The following ANKRD30BL variants were observed in gnomAD, a reference collection of about 807,000 sequenced individuals.
ANKRD30BL encodes putative ankyrin repeat domain-containing protein 30B-like.
A neutral mutation model predicts 18.4 loss-of-function variants in ANKRD30BL; 20 were observed. The observed-to-expected ratio is 1.09, with a 90% CI of 0.77 to 1.58. The LOEUF (loss-of-function observed/expected upper bound fraction) is 1.58, where lower values mean the gene tolerates loss of function less well. Ranked by LOEUF, ANKRD30BL falls within the 40% of genes most tolerant of loss-of-function variation. ANKRD30BL has a pLI of 0.00. For synonymous variants in ANKRD30BL, 72 were observed against 100.9 expected (o/e 0.71, Z 1.72); for missense variants, 224 against 268.6 (o/e 0.83, Z 1.16).
chr2:132,166,439 G>A (rs1421555233), upstream of ANKRD30BL, among the ~76,000 whole-genome samples: 1 of 151,522 alleles, frequency 6.6e-6, no homozygotes, highest in East Asian at 1.9e-4. Context: ...TTGGGGGGGT[G>A]AGGGGGGGTT....
At chr2:132,193,017 A>T (rs1018248477) in intron 1 of ANKRD30BL, among the ~76,000 whole-genome samples, 2 of 152,216 alleles carry the variant, frequency 1.3e-5, no homozygotes, top group Non-Finnish European at 2.9e-5. Flanking sequence ...GAAGCATATG[A>T]GTGGACATGC....
chr2:132,205,148 T>G (rs1393747019), intron 1 of ANKRD30BL, among the ~76,000 whole-genome samples: 1 of 152,070 alleles, frequency 6.6e-6, no homozygotes, highest in Non-Finnish European at 1.5e-5. Flanking sequence ...AAGTATAAGG[T>G]ATGCAGAATT....
intron 1 of ANKRD30BL, among the ~76,000 whole-genome samples, chr2:132,230,296 G>T (rs1413925884): frequency 6.6e-6 from 1 of 151,736 alleles, no homozygotes; most frequent in African/African-American, 2.4e-5. Flanking sequence ...ATTGGAAACG[G>T]GAATATCTTC....
At chr2:132,253,205 C>G (rs998950176) in intron 1 of ANKRD30BL, 7 of 203,386 alleles carry the variant, frequency 3.4e-5, no homozygotes, top group Non-Finnish European at 5.3e-5. Flanking sequence ...CAAGTGCATT[C>G]GAAGAGTCGA....
chr2:132,229,797 A>AT (rs757179059), intron 1 of ANKRD30BL, among the ~76,000 whole-genome samples: 27 of 152,288 alleles, frequency 1.8e-4, no homozygotes, highest in Middle Eastern at 3.4e-3. Context: ...ATATCTTCAC[A>AT]TAAAAACTAG....
chr2:132,211,114 C>T (rs1012140658), intron 1 of ANKRD30BL, among the ~76,000 whole-genome samples: 1 of 152,018 alleles, frequency 6.6e-6, no homozygotes, highest in Admixed American at 6.6e-5. Flanking sequence ...GCATTCATCT[C>T]ACAGTGCTTA....
At chr2:132,236,344 C>G (rs1470460712) in intron 1 of ANKRD30BL, among the ~76,000 whole-genome samples, 1 of 151,506 alleles carries the variant, frequency 6.6e-6, no homozygotes, top group Admixed American at 6.6e-5. Flanking sequence ...CAAATGGGAT[C>G]TAATGGGAGA....
chr2:132,163,767 T>A (rs1386150654), upstream of ANKRD30BL, among the ~76,000 whole-genome samples: 7 of 152,296 alleles, frequency 4.6e-5, no homozygotes, highest in Middle Eastern at 3.4e-3. Flanking sequence ...CCCCGGAGGC[T>A]ACACAATGCC....
At chr2:132,217,514 T>C (rs1175309261) in intron 1 of ANKRD30BL, among the ~76,000 whole-genome samples, 2 of 152,244 alleles carry the variant, frequency 1.3e-5, no homozygotes, top group African/African-American at 2.4e-5. Context: ...GAAGATACTT[T>C]ATCATAGAGC....
rs577809902 is a variant in ANKRD30BL, at chr2:132,225,927, A to G, written n.441+31602T>C. On this transcript the variant is annotated intron_variant and non_coding_transcript_variant, in intron 1 of 4. Coordinates refer to the ANKRD30BL transcript ENST00000470729. Reference sequence around the variant, plus strand: ...CAGAGTTGAACCTTTCTTTTGATAGAGAAGGTTTGAAACACTCTTTTTGCA... The same window carrying G: ...CAGAGTTGAACCTTTCTTTTGATAGGGAAGGTTTGAAACACTCTTTTTGCA... 1.6e-3 allele frequency among the ~76,000 whole-genome samples: 244 copies of G among 152,218 alleles called. 1 individual carries two copies. The highest frequency in any genetic ancestry group is 5.5e-3 in the African/African-American group (229 of 41,550).
chr2:132,179,205 A>G (rs1368184951), intron 1 of ANKRD30BL, among the ~76,000 whole-genome samples: 1 of 152,206 alleles, frequency 6.6e-6, no homozygotes, highest in African/African-American at 2.4e-5. Flanking sequence ...TCTAGCACAT[A>G]TAATTACTTA....
intron 1 of ANKRD30BL, among the ~76,000 whole-genome samples, chr2:132,180,507 G>A (rs1044766010): frequency 6.6e-6 from 1 of 152,090 alleles, no homozygotes; most frequent in African/African-American, 2.4e-5. Context: ...ACATATGCAG[G>A]GGCATGCAGA....
chr2:132,230,423 GC>G (rs1679978192), intron 1 of ANKRD30BL, among the ~76,000 whole-genome samples: 1 of 151,910 alleles, frequency 6.6e-6, no homozygotes, highest in African/African-American at 2.4e-5. Flanking sequence ...TGTATTATAT[GC>G]AAGTGGACAA....
chr2:132,202,097 A>T (rs535930857), intron 1 of ANKRD30BL, among the ~76,000 whole-genome samples: 13 of 152,218 alleles, frequency 8.5e-5, no homozygotes, highest in Admixed American at 5.9e-4. Flanking sequence ...AACAATGAGA[A>T]CACATGGACA....
At chr2:132,198,307 TC>T (rs1558928514) in intron 1 of ANKRD30BL, among the ~76,000 whole-genome samples, 237 of 15,112 alleles carry the variant, frequency 0.016, 8 homozygotes, top group African/African-American at 0.035. Flanking sequence ...TTTCTTTCTT[TC>T]TTTCTTTCTT....
chr2:132,211,260 T>G (rs796706738), intron 1 of ANKRD30BL, among the ~76,000 whole-genome samples: 1 of 152,080 alleles, frequency 6.6e-6, no homozygotes, highest in Non-Finnish European at 1.5e-5. Flanking sequence ...TCTGAGAAAC[T>G]TCTTTGGGGT....
At chr2:132,202,469 G>A (rs1257630381) in intron 1 of ANKRD30BL, among the ~76,000 whole-genome samples, 1 of 149,084 alleles carries the variant, frequency 6.7e-6, no homozygotes, top group Non-Finnish European at 1.5e-5. Flanking sequence ...AATATTTTAA[G>A]ATAAAATTTA....
chr2:132,253,041 C>G (rs550219211), intron 1 of ANKRD30BL: 1 of 152,330 alleles, frequency 6.6e-6, no homozygotes, highest in African/African-American at 2.4e-5. Context: ...GATAGGAGGG[C>G]GAATGTCACC....
chr2:132,230,854 C>A (rs199515979), intron 1 of ANKRD30BL, among the ~76,000 whole-genome samples: 1 of 151,742 alleles, frequency 6.6e-6, no homozygotes, highest in East Asian at 1.9e-4. Context: ...TCAGAAACTT[C>A]TTCGTGATGT....
Sources: allele counts gnomAD v4.1 joint callset (sites outside exome capture counted in the v4.1 genomes callset), GRCh38; gene constraint gnomAD v4.1.1; transcripts MANE v1.5; gene names NCBI Gene and HGNC (gene_info 2026-07-23, HGNC 2026-07-21).